DNM3: variants seen among roughly 807,000 people sequenced by gnomAD.
DNM3 encodes the protein dynamin-3.
Under a neutral mutation model 101.6 loss-of-function variants are expected in DNM3, and 47 were observed. The ratio of observed to expected loss-of-function variants is 0.46; its 90% confidence interval spans 0.37 to 0.59. The LOEUF is 0.59. DNM3 is among the 20% of genes least tolerant of loss of function. DNM3 has a pLI of 0.00. For missense variants in DNM3, 849 were observed against 1,085.7 expected (o/e 0.78, Z 3.06); for synonymous variants, 385 against 387.9 (o/e 0.99, Z 0.09).
At chr1:172,005,052 G>A (rs935126974) in intron 4 of DNM3, among the ~76,000 whole-genome samples, 15 of 152,024 alleles carry the variant, frequency 9.9e-5, no homozygotes, top group African/African-American at 3.6e-4. Context: ...AAACAGTACA[G>A]CCCCCAGTGG....
chr1:172,159,319 G>C (rs6660156), intron 14 of DNM3, among the ~76,000 whole-genome samples: 24 of 151,758 alleles, frequency 1.6e-4, no homozygotes, highest in African/African-American at 5.6e-4. Flanking sequence ...TTCAGAAAAA[G>C]CATTTTTACT....
At position 172,239,798 on chromosome 1, in the gene DNM3, CTCTT is replaced by C. The variant is rs1416705438; in HGVS notation, c.1660-13773_1660-13770del. Among the ~76,000 whole-genome samples, 385 of 106,866 alleles carry C rather than the reference CTCTT, an allele frequency of 3.6e-3. 16 individuals carry two copies. Among genetic ancestry groups the C allele is most frequent in the Middle Eastern group, 0.031 (4 of 130 alleles). 70.1% of individuals were successfully genotyped at this position (106,866 alleles called of 152,430 possible). A position where few individuals can be genotyped will look rare whatever the true frequency, so the allele number is the denominator to read the frequency against. ...TTTCTCCAGCCCTGTCTTTTTTTTT[CTCTT>C]TTTTTTTTTTTTTTTTTTGTAGTGG... On this transcript the variant is annotated intron_variant, in intron 14 of 20. Coordinates refer to ENST00000627582, the MANE Select transcript of DNM3 (RefSeq NM_015569.5).
rs947316186 is a variant in DNM3 at position 172,022,891 on chromosome 1, G to C, written c.590-9511G>C. 2.6e-5 allele frequency among the ~76,000 whole-genome samples: 4 copies of C among 151,998 alleles called. No individual in the cohort carries two copies. The East Asian group carries it at 7.7e-4, about 29-fold the overall frequency. On this transcript the variant is annotated intron_variant, in intron 4 of 20. Transcript: ENST00000627582. Reference sequence around the variant, plus strand: ...CTTATCCTCCTACATTCTACTAAAAGAATCATATTTTGCTGAATAAATTTT... The same window carrying C: ...CTTATCCTCCTACATTCTACTAAAACAATCATATTTTGCTGAATAAATTTT...
At chr1:171,859,910 C>G (rs2033996769) in intron 1 of DNM3, among the ~76,000 whole-genome samples, 1 of 152,082 alleles carries the variant, frequency 6.6e-6, no homozygotes, top group Non-Finnish European at 1.5e-5. Context: ...CGAGGGGTCA[C>G]AGAAGTCTGT....
At chr1:172,287,692 G>A (rs187662442) in intron 15 of DNM3, among the ~76,000 whole-genome samples, 313 of 151,742 alleles carry the variant, frequency 2.1e-3, no homozygotes, top group Non-Finnish European at 3.1e-3. Flanking sequence ...GAGACAACAG[G>A]CAACGGTCAA....
chr1:172,295,342 G>A (rs1017422127), intron 15 of DNM3, among the ~76,000 whole-genome samples: 1 of 152,132 alleles, frequency 6.6e-6, no homozygotes, highest in East Asian at 1.9e-4. Context: ...TAAACATGTA[G>A]AGTTCCATCT....
At chr1:171,885,749 G>T (rs886215996) in intron 1 of DNM3, among the ~76,000 whole-genome samples, 1 of 152,138 alleles carries the variant, frequency 6.6e-6, no homozygotes, top group African/African-American at 2.4e-5. Context: ...GGCTCAAGCT[G>T]CTTTCAGGAC....
At chr1:172,417,561 T>A (rs1375492800), downstream of DNM3, among the ~76,000 whole-genome samples, 4 of 152,134 alleles carry the variant, frequency 2.6e-5, no homozygotes, top group African/African-American at 9.7e-5. Flanking sequence ...AAATCAGAAA[T>A]ACAGTTATAC....
intron 17 of DNM3, among the ~76,000 whole-genome samples, chr1:172,364,185 A>C (rs1399397548): frequency 6.6e-6 from 1 of 151,900 alleles, no homozygotes; most frequent in Non-Finnish European, 1.5e-5. Context: ...TCATATATTA[A>C]ATGTTTAATA....
chr1:172,179,843 T>TA (rs2059282005), intron 14 of DNM3, among the ~76,000 whole-genome samples: 1 of 151,984 alleles, frequency 6.6e-6, no homozygotes, highest in Non-Finnish European at 1.5e-5. Flanking sequence ...TTTTATGTAT[T>TA]AAAAAACTAA....
In DNM3 at chr1:171,841,502, C is replaced by A; in HGVS notation, c.-155C>A. On this transcript the variant is annotated 5_prime_UTR_variant, in exon 1 of 21. Coordinates refer to ENST00000627582, the MANE Select transcript of DNM3 (RefSeq NM_015569.5). The stretch of plus-strand genomic sequence containing the variant: ...CGCTGCGGGTCGTTAGCTGTCAGAG[C>A]CAAGCGGCGGGCTGGCGGCGGGCTC... 1.8e-6 allele frequency: 2 copies of A among 1,101,120 alleles called. No individual in the cohort carries two copies. The highest frequency in any genetic ancestry group is 2.5e-6 in the Non-Finnish European group (2 of 815,202). 68.2% of individuals were successfully genotyped at this position (1,101,120 alleles called of 1,614,324 possible). A position where few individuals can be genotyped will look rare whatever the true frequency, so the allele number is the denominator to read the frequency against.
At chr1:172,388,239 A>G (rs1261107448) in intron 19 of DNM3, among the ~76,000 whole-genome samples, 1 of 151,268 alleles carries the variant, frequency 6.6e-6, no homozygotes, top group Non-Finnish European at 1.5e-5. Flanking sequence ...GCCTCAAAGA[A>G]AAAAAAAAGG....
intron 14 of DNM3, among the ~76,000 whole-genome samples, chr1:172,183,223 A>G (rs1214256364): frequency 1.3e-5 from 2 of 152,134 alleles, no homozygotes; most frequent in Admixed American, 6.6e-5. Flanking sequence ...TCGTCTCCAC[A>G]TACTACCCAA....
chr1:172,192,934 TC>T (rs1201413031), intron 14 of DNM3, among the ~76,000 whole-genome samples: 5 of 151,312 alleles, frequency 3.3e-5, no homozygotes, highest in African/African-American at 1.2e-4. Context: ...TAGTTCTAGA[TC>T]CCTGAGGAAT....
chr1:172,293,425 CTT>C (rs2064013886), intron 15 of DNM3, among the ~76,000 whole-genome samples: 1 of 152,284 alleles, frequency 6.6e-6, no homozygotes, highest in Non-Finnish European at 1.5e-5. Context: ...ATTGAAGTGA[CTT>C]ATTTCTTTAA....
chr1:172,410,642 C>T lies in DNM3; in HGVS notation c.*2801C>T, dbSNP rs2071151922. 3 of 985,106 alleles carry T rather than the reference C, an allele frequency of 3.0e-6. No individual in the cohort carries two copies. The highest frequency in any genetic ancestry group is 3.6e-6 in the Non-Finnish European group (3 of 829,808). 61.0% of individuals were successfully genotyped at this position (985,106 alleles called of 1,614,324 possible). On this transcript the variant is annotated 3_prime_UTR_variant, in exon 21 of 21. Transcript: ENST00000627582. The stretch of plus-strand genomic sequence containing the variant: ...CTAAAAAACATCTACCAAGGTTACT[C>T]GTCTGAATATTGCTTTTAGCCGTGT...
intron 13 of DNM3, among the ~76,000 whole-genome samples, chr1:172,097,600 G>A (rs80212465): frequency 0.036 from 5,471 of 152,140 alleles, 230 homozygotes; most frequent in East Asian, 0.13. Context: ...AGAAAGGAAT[G>A]TAGGACTTAA....
chr1:172,321,233 T>C (rs1298925708), intron 16 of DNM3, among the ~76,000 whole-genome samples: 1 of 152,212 alleles, frequency 6.6e-6, no homozygotes, highest in Non-Finnish European at 1.5e-5. Flanking sequence ...AGAAGAGGAA[T>C]AGCCACAGAC....
At position 172,078,239 on chromosome 1, in the gene DNM3, C is replaced by A. The variant is rs146759901; in HGVS notation, c.1423-3593C>A. The stretch of plus-strand genomic sequence containing the variant: ...TCCTGGGTAGCTGGGATTACAGGCA[C>A]CTGCCACCACACCCAGCTAATTTTT... On this transcript the variant is annotated intron_variant, in intron 11 of 20. Transcript: ENST00000627582. Among the ~76,000 whole-genome samples, 1,075 of 152,048 alleles carry A rather than the reference C, an allele frequency of 7.1e-3. 17 individuals are homozygous for A. Among genetic ancestry groups the A allele is most frequent in the African/African-American group, 0.024 (1,013 of 41,486 alleles).
Sources: allele counts gnomAD v4.1 joint callset (sites outside exome capture counted in the v4.1 genomes callset), GRCh38; gene constraint gnomAD v4.1.1; transcripts MANE v1.5; gene names NCBI Gene and HGNC (gene_info 2026-07-23, HGNC 2026-07-21).